The following FAM149A variants were observed in gnomAD, a reference collection of about 807,000 sequenced individuals.
The protein encoded by FAM149A is protein FAM149A.
Under a neutral mutation model 78.2 loss-of-function variants are expected in FAM149A, and 71 were observed. That is an observed-to-expected ratio of 0.91 (90% confidence interval 0.75 to 1.11). The LOEUF is 1.11. FAM149A is among the 50% of genes least tolerant of loss of function. FAM149A has a pLI of 0.00. For synonymous variants in FAM149A, 446 were observed against 410.5 expected (o/e 1.09, Z -1.04); for missense variants, 1,036 against 971.0 (o/e 1.07, Z -0.89).
chr4:186,136,716 A>G (rs906721075), intron 1 of FAM149A, among the ~76,000 whole-genome samples: 4 of 152,166 alleles, frequency 2.6e-5, no homozygotes, highest in South Asian at 2.1e-4. Context: ...TGTGCCATGT[A>G]TAGGAGCTTT....
At chr4:186,117,815 A>G (rs2099314360) in intron 1 of FAM149A, 1 of 841,062 alleles carries the variant, frequency 1.2e-6, no homozygotes, top group Admixed American at 6.2e-5. Context: ...AACGCCTGAG[A>G]GGTATGGAGC....
intron 3 of FAM149A, among the ~76,000 whole-genome samples, chr4:186,150,462 C>G (rs1292953930): frequency 2.3e-5 from 3 of 130,142 alleles, no homozygotes; most frequent in Non-Finnish European, 5.0e-5. Context: ...CTCTGTCGCC[C>G]AGGCTGGAGT....
rs533647828 is a variant in FAM149A at position 186,105,755 on chromosome 4, C to T, written c.566+113C>T. On this transcript the variant is annotated intron_variant, in intron 1 of 13. Coordinates refer to ENST00000389354, the MANE Select transcript of FAM149A (RefSeq NM_001367768.3). ...TCAGGAAATGAAATATTTGTAGTAA[C>T]TTTCATAACCCCCTGGGCACCCTCC... The T allele has an allele frequency of 5.4e-6, 4 of 747,316 alleles. No homozygotes were observed. In the African/African-American group the frequency reaches 5.7e-5, roughly 11 times the overall value. The allele number at this position is 747,316 out of a possible 1,614,324, so 46.3% of individuals were successfully genotyped here. A position where few individuals can be genotyped will look rare whatever the true frequency, so the allele number is the denominator to read the frequency against.
intron 1 of FAM149A, chr4:186,109,069 G>A (rs575491851): frequency 8.7e-5 from 27 of 310,674 alleles, no homozygotes; most frequent in Admixed American, 1.3e-4. Flanking sequence ...GGATGGTCTC[G>A]ATCTCCTGAC....
At chr4:186,110,425 G>A in intron 1 of FAM149A, 2 of 655,748 alleles carry the variant, frequency 3.0e-6, no homozygotes, top group Non-Finnish European at 3.8e-6. Context: ...TTAAGTTTTA[G>A]GGTACATGTG....
rs1735677922 is a variant in FAM149A, at chr4:186,175,186, A to G, written c.*3199A>G. Among the ~76,000 whole-genome samples, 1 of 111,952 alleles carries G rather than the reference A, an allele frequency of 8.9e-6. No individual in the cohort carries two copies. Among genetic ancestry groups the G allele is most frequent in the Non-Finnish European group, 2.3e-5 (1 of 44,386 alleles). 73.4% of individuals were successfully genotyped at this position (111,952 alleles called of 152,430 possible). On this transcript the variant is annotated 3_prime_UTR_variant, in exon 14 of 14. Transcript: ENST00000389354. ...CACCAATTCAGAAGTACGTTTTTATATATCATTTGGATATTATATTTTTTA... is the reference window on the plus strand; with the variant it reads ...CACCAATTCAGAAGTACGTTTTTATGTATCATTTGGATATTATATTTTTTA...
chr4:186,137,218 AC>A (rs1389465537), intron 1 of FAM149A, among the ~76,000 whole-genome samples: 3 of 151,416 alleles, frequency 2.0e-5, no homozygotes, highest in Non-Finnish European at 4.4e-5. Flanking sequence ...AAAGCTGTGT[AC>A]CCTTGGGAAT....
Position 186,157,478 on chromosome 4 carries a change from C to T in FAM149A, c.1421-87C>T, listed in dbSNP as rs1734132952. Reference sequence around the variant, plus strand: ...GCATGGGCTCGTGGTAGCTCAAGCACACATATTCTCTTTCAAGAGTGAATT... The same window carrying T: ...GCATGGGCTCGTGGTAGCTCAAGCATACATATTCTCTTTCAAGAGTGAATT... On this transcript the variant is annotated intron_variant, in intron 7 of 13. Coordinates refer to ENST00000389354, the MANE Select transcript of FAM149A (RefSeq NM_001367768.3). 4 of 1,376,742 alleles carry T rather than the reference C, an allele frequency of 2.9e-6. No homozygotes were observed. In the South Asian group the frequency reaches 3.8e-5, roughly 13 times the overall value. 85.3% of individuals were successfully genotyped at this position (1,376,742 alleles called of 1,614,324 possible).
chr4:186,116,596 T>A (rs201519953), intron 1 of FAM149A: 18 of 831,252 alleles, frequency 2.2e-5, no homozygotes, highest in Admixed American at 8.6e-4. Flanking sequence ...TATATTTAAA[T>A]TTTTTTTTTT....
intron 13 of FAM149A, 154 bp downstream of exon 13, chr4:186,167,416 C>T (rs748224252): frequency 2.9e-5 from 21 of 736,496 alleles, no homozygotes; most frequent in African/African-American, 3.5e-5. Context: ...TCAGAAACCT[C>T]GATCACAGAG....
chr4:186,138,429 G>T (rs1038509966), intron 1 of FAM149A, among the ~76,000 whole-genome samples: 6 of 152,162 alleles, frequency 3.9e-5, no homozygotes, highest in African/African-American at 1.4e-4. Flanking sequence ...TGCAGAGATT[G>T]GATGAGGTCC....
At chr4:186,149,441 A>T in intron 2 of FAM149A, 125 bp from the exon 3 acceptor site, 1 of 1,107,288 alleles carries the variant, frequency 9.0e-7, no homozygotes, top group Non-Finnish European at 1.2e-6. Context: ...CAAAATTAGT[A>T]TACTGTGAAA....
intron 5 of FAM149A, among the ~76,000 whole-genome samples, chr4:186,154,240 A>G (rs6552957): frequency 0.48 from 72,450 of 152,094 alleles, 17,685 homozygotes; most frequent in Middle Eastern, 0.6. Context: ...CAAAGAGGGT[A>G]CAAACTCATA....
chr4:186,143,302 G>T (rs1732679190), intron 1 of FAM149A, among the ~76,000 whole-genome samples: 1 of 151,016 alleles, frequency 6.6e-6, no homozygotes, highest in East Asian at 1.9e-4. Context: ...CCTTTCTTTT[G>T]TTTCCCTGGC....
At chr4:186,107,825 G>A (rs7434489) in intron 1 of FAM149A, 110,943 of 152,212 alleles carry the variant, frequency 0.73, 40,933 homozygotes, top group East Asian at 0.88. Context: ...GCAGCAGGTA[G>A]AGGCACACAC....
At chr4:186,126,621 C>T (rs2099318428) in intron 1 of FAM149A, among the ~76,000 whole-genome samples, 1 of 152,112 alleles carries the variant, frequency 6.6e-6, no homozygotes, top group African/African-American at 2.4e-5. Context: ...AGGACTCCAC[C>T]CTCGAATTCT....
intron 1 of FAM149A, among the ~76,000 whole-genome samples, chr4:186,131,419 GCA>G (rs2099320681): frequency 6.9e-6 from 1 of 145,018 alleles, no homozygotes; most frequent in African/African-American, 2.5e-5. Flanking sequence ...AGGCATTTGA[GCA>G]CACAGGGAGT....
chr4:186,150,583 C>A (rs1440765672), intron 3 of FAM149A, among the ~76,000 whole-genome samples: 9 of 37,390 alleles, frequency 2.4e-4, no homozygotes, highest in Admixed American at 8.4e-4. Flanking sequence ...CCACGCCCGG[C>A]TAATTTTTTG....
Position 186,108,887 on chromosome 4 carries a change from G to T in FAM149A, c.566+3245G>T, listed in dbSNP as rs574882144. Among the ~76,000 whole-genome samples, 5 of 145,450 alleles carry T rather than the reference G, an allele frequency of 3.4e-5. No individual in the cohort carries two copies. The East Asian group carries it at 6.0e-4, about 17-fold the overall frequency. The stretch of plus-strand genomic sequence containing the variant: ...TTTTGAGACGGAGTCTTGCTCTGTC[G>T]CCCAGGCTGGAGTGCAGTGGCGCGA... On this transcript the variant is annotated intron_variant, in intron 1 of 13. Transcript: ENST00000389354.
Sources: allele counts gnomAD v4.1 joint callset (sites outside exome capture counted in the v4.1 genomes callset), GRCh38; gene constraint gnomAD v4.1.1; transcripts MANE v1.5; gene names NCBI Gene and HGNC (gene_info 2026-07-23, HGNC 2026-07-21).